The following ABCG2 variants were observed in gnomAD, a reference collection of about 807,000 sequenced individuals.
The protein encoded by ABCG2 is ATP binding cassette subfamily G member 2 (JR blood group), also known as broad substrate specificity ATP-binding cassette transporter ABCG2.
A neutral mutation model predicts 73.5 loss-of-function variants in ABCG2; 80 were observed. The observed-to-expected ratio is 1.09, with a 90% confidence interval of 0.91 to 1.31. The LOEUF is 1.31. ABCG2 is among the 50% of genes most tolerant of loss of function. The pLI, the probability that ABCG2 is intolerant of heterozygous loss-of-function variation, is 0.00. For synonymous variants in ABCG2, 269 were observed against 282.4 expected (o/e 0.95, Z 0.48); for missense variants, 796 against 786.2 (o/e 1.01, Z -0.15).
intron 1 of ABCG2, among the ~76,000 whole-genome samples, chr4:88,222,084 G>A (rs1730030938): frequency 6.6e-6 from 1 of 152,220 alleles, no homozygotes; most frequent in African/African-American, 2.4e-5. Flanking sequence ...CTGCATCCCA[G>A]CCACTCCATC....
At chr4:88,230,632 G>A (rs576766342) in intron 1 of ABCG2, among the ~76,000 whole-genome samples, 2 of 152,168 alleles carry the variant, frequency 1.3e-5, no homozygotes, top group African/African-American at 4.8e-5. Flanking sequence ...GCCAGGAAAA[G>A]GATGTTGTCT....
At chr4:88,155,962 C>T (rs1282545265) in intron 1 of ABCG2, among the ~76,000 whole-genome samples, 1 of 152,024 alleles carries the variant, frequency 6.6e-6, no homozygotes, top group Non-Finnish European at 1.5e-5. Context: ...CTTCTAATAC[C>T]ATTCTAAAGC....
intron 10 of ABCG2, 50 bp downstream of exon 10, chr4:88,107,134 T>C (rs765835774): frequency 7.4e-7 from 1 of 1,347,020 alleles, no homozygotes; most frequent in Admixed American, 1.9e-5. Context: ...TTCAATAAGC[T>C]TGAAGAAAGT....
upstream of ABCG2, chr4:88,159,141 G>C: frequency 2.2e-6 from 1 of 456,262 alleles, no homozygotes; most frequent in Non-Finnish European, 4.4e-6. Context: ...CTCCGGGATC[G>C]AACGGAATGA....
intron 1 of ABCG2, among the ~76,000 whole-genome samples, chr4:88,174,217 A>G (rs1484884334): frequency 6.6e-6 from 1 of 151,558 alleles, no homozygotes; most frequent in African/African-American, 2.4e-5. Flanking sequence ...GGTTTGTTAC[A>G]TAGGTATACA....
upstream of ABCG2, among the ~76,000 whole-genome samples, chr4:88,160,693 A>T (rs1033124658): frequency 1.3e-5 from 2 of 151,858 alleles, no homozygotes; most frequent in Non-Finnish European, 2.9e-5. Flanking sequence ...TACTAAAAAT[A>T]CAAAAATTAG....
chr4:88,218,291 A>G (rs1410518486), intron 1 of ABCG2, among the ~76,000 whole-genome samples: 1 of 152,050 alleles, frequency 6.6e-6, no homozygotes, highest in African/African-American at 2.4e-5. Flanking sequence ...AACATACATT[A>G]TTTATTTGTT....
At chr4:88,225,380 A>G (rs1560467779) in intron 1 of ABCG2, among the ~76,000 whole-genome samples, 1 of 152,220 alleles carries the variant, frequency 6.6e-6, no homozygotes. Flanking sequence ...ACTAGAAGTC[A>G]CAGTTTGGCA....
At chr4:88,098,629 TAG>T (rs907937848) in intron 12 of ABCG2, among the ~76,000 whole-genome samples, 5 of 132,452 alleles carry the variant, frequency 3.8e-5, no homozygotes, top group Non-Finnish European at 8.2e-5. Flanking sequence ...TATACATATA[TAG>T]AGAGAGACAG....
chr4:88,181,444 T>C (rs950043012), intron 1 of ABCG2, among the ~76,000 whole-genome samples: 3 of 145,334 alleles, frequency 2.1e-5, no homozygotes, highest in Non-Finnish European at 4.5e-5. Flanking sequence ...TAAGATATTA[T>C]TTGAAGCCAG....
intron 1 of ABCG2, among the ~76,000 whole-genome samples, chr4:88,148,351 C>A (rs1726192820): frequency 6.6e-6 from 1 of 152,108 alleles, no homozygotes; most frequent in Non-Finnish European, 1.5e-5. Flanking sequence ...ATGCAAAATC[C>A]TTAATCGAAA....
intron 9 of ABCG2, 42 bp downstream of exon 9, chr4:88,113,261 C>T (rs1723264012): frequency 6.3e-7 from 1 of 1,597,064 alleles, no homozygotes; most frequent in Non-Finnish European, 8.5e-7. Flanking sequence ...AACAGAACCA[C>T]ATTGTTCCCA....
At chr4:88,167,323 A>C (rs2622609) in intron 1 of ABCG2, among the ~76,000 whole-genome samples, 59,908 of 150,206 alleles carry the variant, frequency 0.4, 13,265 homozygotes, top group East Asian at 0.66. Flanking sequence ...CCACTTTCAA[A>C]ACAGTTTGAG....
Position 88,223,390 on chromosome 4 carries a change from T to C in ABCG2, c.-20+7604A>G, listed in dbSNP as rs148458422. 4.5e-4 allele frequency among the ~76,000 whole-genome samples: 68 copies of C among 152,232 alleles called. 2 individuals carry two copies. The East Asian group carries it at 0.011, about 25-fold the overall frequency. ...ACAGGAGGGACCCAGTGGGAGGTAA[T>C]TGAATCATGAGGGCAGTTACCTTCA... On this transcript the variant is annotated intron_variant, in intron 1 of 15. Transcript: ENST00000515655.
intron 1 of ABCG2, among the ~76,000 whole-genome samples, chr4:88,207,418 T>G (rs1422639383): frequency 6.6e-6 from 1 of 152,200 alleles, no homozygotes; most frequent in East Asian, 1.9e-4. Context: ...CCTTTTTAAC[T>G]GAAATCTTAG....
chr4:88,134,577 A>G (rs144396311), intron 2 of ABCG2, among the ~76,000 whole-genome samples: 15 of 152,328 alleles, frequency 9.8e-5, no homozygotes, highest in African/African-American at 3.1e-4. Context: ...AACTGCCTCT[A>G]AAATCACCAT....
intron 1 of ABCG2, 86 bp downstream of exon 1, chr4:88,158,300 C>T (rs1042841369): frequency 3.6e-5 from 12 of 328,784 alleles, no homozygotes; most frequent in African/African-American, 2.2e-4. Context: ...TGAACGGTTA[C>T]CGATTTTCTA....
At chr4:88,223,481 C>T (rs1400768600) in intron 1 of ABCG2, among the ~76,000 whole-genome samples, 1 of 152,164 alleles carries the variant, frequency 6.6e-6, no homozygotes, top group Admixed American at 6.5e-5. Context: ...TCCACCCCCT[C>T]ACTCTGCACT....
intron 1 of ABCG2, among the ~76,000 whole-genome samples, chr4:88,177,342 C>T (rs1728041615): frequency 6.6e-6 from 1 of 151,292 alleles, no homozygotes; most frequent in African/African-American, 2.4e-5. Context: ...CACGGCACTC[C>T]AGCCTGGGCG....
Sources: allele counts gnomAD v4.1 joint callset (sites outside exome capture counted in the v4.1 genomes callset), GRCh38; gene constraint gnomAD v4.1.1; transcripts MANE v1.5; gene names NCBI Gene and HGNC (gene_info 2026-07-23, HGNC 2026-07-21).